CFAP57: variants seen among roughly 807,000 people sequenced by gnomAD.
The protein encoded by CFAP57 is cilia- and flagella-associated protein 57.
A neutral mutation model predicts 146.8 loss-of-function variants in CFAP57; 116 were observed. That is an observed-to-expected ratio of 0.79 (90% CI 0.68 to 0.92). The LOEUF (loss-of-function observed/expected upper bound fraction) is 0.92. CFAP57 is among the 40% of genes least tolerant of loss of function. CFAP57 has a pLI of 0.00. For synonymous variants in CFAP57, 518 were observed against 552.8 expected (o/e 0.94, Z 0.88); for missense variants, 1,377 against 1,527.2 (o/e 0.90, Z 1.64).
At position 43,236,590 on chromosome 1, in the gene CFAP57, TAAA is replaced by T. The variant is rs764205138; in HGVS notation, c.3405+1977_3405+1979del. 1.4e-3 allele frequency among the ~76,000 whole-genome samples: 57 copies of T among 41,804 alleles called. No homozygotes were observed. In the South Asian group the frequency reaches 0.069, roughly 50 times the overall value. 27.4% of individuals were successfully genotyped at this position (41,804 alleles called of 152,430 possible). A position where few individuals can be genotyped will look rare whatever the true frequency, so the allele number is the denominator to read the frequency against. ...CACTGGCCTGGTACAGAATAAGTGC[TAAA>T]AAAAAAAAAAAAAAAAAAAAAAAAG... On this transcript the variant is annotated intron_variant, in intron 21 of 22. Transcript: ENST00000372492.
At chr1:43,232,014 G>A (rs1040237388) in intron 18 of CFAP57, 5 of 682,176 alleles carry the variant, frequency 7.3e-6, no homozygotes, top group Non-Finnish European at 1.3e-5. Flanking sequence ...CCTGTTTTAT[G>A]CCTTAGATGG....
At chr1:43,218,607 CA>C (rs34083888) in intron 12 of CFAP57, among the ~76,000 whole-genome samples, 2 of 147,942 alleles carry the variant, frequency 1.4e-5, no homozygotes, top group African/African-American at 2.5e-5. Context: ...AACCATGTCT[CA>C]AAAAAAAAGA....
rs149949336 is a variant in CFAP57, at chr1:43,238,570, G to A, written c.3405+3932G>A. 2.6e-3 allele frequency among the ~76,000 whole-genome samples: 397 copies of A among 152,190 alleles called. 2 individuals are homozygous for A. The highest frequency in any genetic ancestry group is 0.014 in the South Asian group (69 of 4,816). ...GGGAGAGATCAGGAAGAGAAGGCTC[G>A]GCAAACCCATTGCATTCACATTTTT... is the stretch of plus-strand genomic sequence containing the variant. On this transcript the variant is annotated intron_variant, in intron 21 of 22. Coordinates refer to ENST00000372492, the MANE Select transcript of CFAP57 (RefSeq NM_001378189.1). The surrounding 1 kb of genome is among the most constrained non-coding windows in gnomAD (Gnocchi z 4.3).
chr1:43,231,421 A>G (rs1645461384), intron 18 of CFAP57, among the ~76,000 whole-genome samples: 1 of 152,212 alleles, frequency 6.6e-6, no homozygotes, highest in Non-Finnish European at 1.5e-5. Context: ...CAGAAATACT[A>G]GTGTCCACCA....
intron 11 of CFAP57, chr1:43,211,671 A>G (rs1287100300): frequency 1.3e-5 from 2 of 151,962 alleles, no homozygotes; most frequent in African/African-American, 2.4e-5. Context: ...TAAAATTAAG[A>G]TCATACTGTG....
chr1:43,206,363 C>A, intron 9 of CFAP57: 1 of 229,552 alleles, frequency 4.4e-6, no homozygotes, highest in Non-Finnish European at 8.8e-6. Context: ...TTCCAGAAGT[C>A]CACTCTCTCT....
rs781659867 is a variant in CFAP57 at position 43,238,862 on chromosome 1, G to A, written c.3405+4224G>A. 1.1e-4 allele frequency among the ~76,000 whole-genome samples: 17 copies of A among 152,136 alleles called. No individual in the cohort carries two copies. Among genetic ancestry groups the A allele is most frequent in the Non-Finnish European group, 2.5e-4 (17 of 68,034 alleles). ...GGGTTCAGACACCAGCTCTACCACTGAGATACGGCCTCAGTTTCCTCACAA... is the reference window on the plus strand; with the variant it reads ...GGGTTCAGACACCAGCTCTACCACTAAGATACGGCCTCAGTTTCCTCACAA... On this transcript the variant is annotated intron_variant, in intron 21 of 22. Transcript: ENST00000372492. This position sits in a 1 kb window ranked among gnomAD's most constrained non-coding sequence, Gnocchi z 4.3.
intron 12 of CFAP57, among the ~76,000 whole-genome samples, chr1:43,215,866 TAGG>T (rs1644814454): frequency 6.6e-6 from 1 of 152,236 alleles, no homozygotes; most frequent in African/African-American, 2.4e-5. Flanking sequence ...AAAAACAAGT[TAGG>T]AGAGCTTGAG....
intron 11 of CFAP57, among the ~76,000 whole-genome samples, chr1:43,213,048 C>G (rs1644688089): frequency 6.6e-6 from 1 of 152,106 alleles, no homozygotes; most frequent in Non-Finnish European, 1.5e-5. Flanking sequence ...ACACTCTTCC[C>G]TAGTATCTAT....
In CFAP57 at chr1:43,224,060, G is replaced by C. The variant is rs1321312842; in HGVS notation, c.2721G>C (p.Gln907His). Residue 907 changes from glutamine to histidine, a missense_variant, in exon 17 of 23, where the codon CAG (glutamine) becomes CAC (histidine). Transcript: ENST00000372492. ...CGCTTTTCTAGTTCAGCAGCCTACA[G>C]AAGGAGATTGAAGAACGAACCAATG... ...GIMRKKFSSL[Q>H]KEIEERTNDI... The C allele has an allele frequency of 6.4e-7, 1 of 1,550,562 alleles. No homozygotes were observed. Among genetic ancestry groups the C allele is most frequent in the Non-Finnish European group, 8.7e-7 (1 of 1,146,962 alleles).
At chr1:43,173,783 GCATATAC>G (rs947799304) in intron 2 of CFAP57, among the ~76,000 whole-genome samples, 4 of 152,210 alleles carry the variant, frequency 2.6e-5, no homozygotes, top group African/African-American at 9.6e-5. Flanking sequence ...ATTCTTGCAT[GCATATAC>G]ATTCATCTAT....
At chr1:43,221,512 G>C in intron 14 of CFAP57, 47 bp downstream of exon 14, 1 of 1,332,340 alleles carries the variant, frequency 7.5e-7, no homozygotes, top group Non-Finnish European at 1.0e-6. Flanking sequence ...GGAAGAGCTA[G>C]GTTATGGGGA....
chr1:43,248,287 C>T (rs1646189989), intron 22 of CFAP57, among the ~76,000 whole-genome samples: 1 of 151,044 alleles, frequency 6.6e-6, no homozygotes, highest in African/African-American at 2.4e-5. Context: ...CTTCACATCT[C>T]TCTCCCCTAC....
intron 2 of CFAP57, among the ~76,000 whole-genome samples, chr1:43,176,900 G>C (rs941588816): frequency 6.6e-6 from 1 of 152,076 alleles, no homozygotes; most frequent in African/African-American, 2.4e-5. Context: ...ACTAGCAAAG[G>C]CTCAGAGTTA....
chr1:43,234,475 A>AAT lies in CFAP57; in HGVS notation c.3262-19_3262-18dup, dbSNP rs1468867045. The AAT allele has an allele frequency of 6.5e-7, 1 of 1,543,894 alleles. No homozygotes were observed. The highest frequency in any genetic ancestry group is 8.8e-7 in the Non-Finnish European group (1 of 1,142,802). On this transcript the variant is annotated intron_variant, in intron 20 of 22. Coordinates refer to ENST00000372492, the MANE Select transcript of CFAP57 (RefSeq NM_001378189.1). ...CCGGGGTCTCCTCTCCCTCACTGAG[A>AAT]ATCTCCTGGGCCCCGTCAGGTGGAG...
intron 22 of CFAP57, among the ~76,000 whole-genome samples, chr1:43,244,043 A>T (rs1266478059): frequency 6.6e-6 from 1 of 152,236 alleles, no homozygotes; most frequent in Non-Finnish European, 1.5e-5. Context: ...TCTCTGAGAA[A>T]CTTACCACAT....
At chr1:43,195,236 T>C (rs1643791354) in intron 6 of CFAP57, among the ~76,000 whole-genome samples, 1 of 152,104 alleles carries the variant, frequency 6.6e-6, no homozygotes, top group Admixed American at 6.6e-5. Context: ...TTAAAGAACA[T>C]GGACAGGCCA....
rs1000802954 is a variant in CFAP57, at chr1:43,189,792, T to C, written c.1122+2933T>C. 1.4e-4 allele frequency among the ~76,000 whole-genome samples: 22 copies of C among 152,156 alleles called. 1 individual carries two copies. The highest frequency in any genetic ancestry group is 1.3e-4 in the Non-Finnish European group (9 of 68,018). On this transcript the variant is annotated intron_variant, in intron 6 of 22. Transcript: ENST00000372492. ...GGGTTCAGGAAGCTTACAATCATAG[T>C]GGAAGATGAAGGGGTAGTATGCACA...
At chr1:43,188,941 G>A (rs1326485522) in intron 6 of CFAP57, among the ~76,000 whole-genome samples, 1 of 152,164 alleles carries the variant, frequency 6.6e-6, no homozygotes, top group Admixed American at 6.5e-5. Flanking sequence ...ATATGGGATG[G>A]TATAGGGGTC....
Sources: allele counts gnomAD v4.1 joint callset (sites outside exome capture counted in the v4.1 genomes callset), GRCh38; gene constraint gnomAD v4.1.1; non-coding constraint Gnocchi (gnomAD v3.1); transcripts MANE v1.5; gene names NCBI Gene and HGNC (gene_info 2026-07-23, HGNC 2026-07-21).